The following BBX variants were observed in gnomAD, a reference collection of about 807,000 sequenced individuals.
The protein encoded by BBX is HMG box transcription factor BBX.
Under a neutral mutation model 100.2 loss-of-function variants are expected in BBX, and 30 were observed. The ratio of observed to expected loss-of-function variants is 0.30; its 90% CI spans 0.22 to 0.41. The LOEUF is 0.41. Ranked by LOEUF, BBX falls within the 10% of genes least tolerant of loss-of-function variation. BBX has a pLI of 1.00. For synonymous variants in BBX, 376 were observed against 388.1 expected, an observed-to-expected ratio of 0.97 and a Z score of 0.37; for missense variants, 1,023 against 1,129.8, an observed-to-expected ratio of 0.91 and a Z score of 1.35.
At position 107,806,329 on chromosome 3, in the gene BBX, T is replaced by C. The variant is rs1399825826; in HGVS notation, c.*872T>C. On this transcript the variant is annotated 3_prime_UTR_variant, in exon 18 of 18. Transcript: ENST00000325805. ...CATAGGGGTCTAAGTGACCAATGGATTGTTCATACAAACAAAAAAAAAGAC... is the reference window on the plus strand; with the variant it reads ...CATAGGGGTCTAAGTGACCAATGGACTGTTCATACAAACAAAAAAAAAGAC... 3 of 152,042 alleles carry C rather than the reference T, an allele frequency of 2.0e-5. No individual in the cohort carries two copies. The highest frequency in any genetic ancestry group is 4.4e-5 in the Non-Finnish European group (3 of 68,040). 9.4% of individuals were successfully genotyped at this position (152,042 alleles called of 1,614,324 possible).
chr3:107,592,629 T>C (rs16853678), intron 2 of BBX, among the ~76,000 whole-genome samples: 29,940 of 152,070 alleles, frequency 0.2, 3,192 homozygotes, highest in African/African-American at 0.28. Context: ...TGTTTACCAG[T>C]ATGTATGAGC....
chr3:107,794,852 C>A (rs2069438063), intron 15 of BBX, among the ~76,000 whole-genome samples: 1 of 152,098 alleles, frequency 6.6e-6, no homozygotes, highest in Non-Finnish European at 1.5e-5. Context: ...TGCTGCTTTC[C>A]CAAAAAACCT....
chr3:107,664,826 T>C (rs1235501928), intron 3 of BBX, among the ~76,000 whole-genome samples: 2 of 152,226 alleles, frequency 1.3e-5, no homozygotes, highest in African/African-American at 4.8e-5. Flanking sequence ...CACAGAGGAC[T>C]ATTTGCAAGC....
chr3:107,670,044 T>C (rs2058940756), intron 3 of BBX, among the ~76,000 whole-genome samples: 1 of 152,160 alleles, frequency 6.6e-6, no homozygotes, highest in South Asian at 2.1e-4. Flanking sequence ...TATTCTTTCA[T>C]GTATATTAGT....
chr3:107,540,818 C>T (rs572365360), intron 2 of BBX, among the ~76,000 whole-genome samples: 6 of 152,138 alleles, frequency 3.9e-5, no homozygotes, highest in African/African-American at 1.4e-4. Flanking sequence ...TATACTATTA[C>T]AATTAGTACT....
intron 3 of BBX, among the ~76,000 whole-genome samples, chr3:107,697,177 T>C (rs1007620204): frequency 3.5e-4 from 53 of 151,880 alleles, no homozygotes; most frequent in Non-Finnish European, 5.7e-4. Context: ...TTTGATCGTC[T>C]GAAGCCTTCT....
chr3:107,684,985 G>A (rs894192958), intron 3 of BBX, among the ~76,000 whole-genome samples: 5 of 152,172 alleles, frequency 3.3e-5, no homozygotes, highest in African/African-American at 1.2e-4. Flanking sequence ...TTAGAAAGTA[G>A]AGTTGGTTCT....
chr3:107,681,733 T>A (rs1339099828), intron 3 of BBX, among the ~76,000 whole-genome samples: 1 of 152,152 alleles, frequency 6.6e-6, no homozygotes, highest in African/African-American at 2.4e-5. Flanking sequence ...GAGAATAAAG[T>A]AGAATTTCCT....
intron 2 of BBX, among the ~76,000 whole-genome samples, chr3:107,631,949 A>G (rs1172593940): frequency 6.6e-6 from 1 of 152,218 alleles, no homozygotes; most frequent in Non-Finnish European, 1.5e-5. Context: ...TTTCAAAGTG[A>G]TTTGAAAATG....
At chr3:107,729,136 A>T (rs542391825) in intron 6 of BBX, among the ~76,000 whole-genome samples, 176 bp downstream of exon 6, 1 of 152,278 alleles carries the variant, frequency 6.6e-6, no homozygotes, top group Non-Finnish European at 1.5e-5. Context: ...CAGGTAATTT[A>T]AAAAAGGATA....
intron 2 of BBX, among the ~76,000 whole-genome samples, chr3:107,603,569 G>A (rs2054215478): frequency 6.6e-6 from 1 of 151,326 alleles, no homozygotes; most frequent in African/African-American, 2.4e-5. Context: ...AGTAGAGATG[G>A]GGGTTTCACC....
In BBX at chr3:107,751,362, A is replaced by G. The variant is rs551380975; in HGVS notation, c.825+3323A>G. Among the ~76,000 whole-genome samples, 99 of 152,340 alleles carry G rather than the reference A, an allele frequency of 6.5e-4. No individual in the cohort carries two copies. The South Asian group carries it at 9.1e-3, about 14-fold the overall frequency. On this transcript the variant is annotated intron_variant, in intron 9 of 17. Transcript: ENST00000325805. ...TTAAGATCAGGCGTGCAAAATTCTCAGAAACTATTTCCGTTCATTTTATTT... is the reference window on the plus strand; with the variant it reads ...TTAAGATCAGGCGTGCAAAATTCTCGGAAACTATTTCCGTTCATTTTATTT...
At chr3:107,774,970 G>T in intron 12 of BBX, 113 bp downstream of exon 12, 1 of 1,283,358 alleles carries the variant, frequency 7.8e-7, no homozygotes, top group Non-Finnish European at 1.0e-6. Context: ...TACTCGCTCA[G>T]GACTTCCTAC....
chr3:107,573,581 A>G (rs1036945312), intron 2 of BBX, among the ~76,000 whole-genome samples: 17 of 152,138 alleles, frequency 1.1e-4, no homozygotes, highest in Admixed American at 9.8e-4. Context: ...ACAAACAAAC[A>G]AACAGTGTTT....
At chr3:107,651,650 C>G (rs903985079) in intron 3 of BBX, among the ~76,000 whole-genome samples, 2 of 151,722 alleles carry the variant, frequency 1.3e-5, no homozygotes, top group African/African-American at 4.8e-5. Flanking sequence ...ATGGCATATA[C>G]TTAAGATTTT....
At chr3:107,795,121 C>G (rs1576849424) in intron 15 of BBX, among the ~76,000 whole-genome samples, 1 of 152,288 alleles carries the variant, frequency 6.6e-6, no homozygotes, top group Middle Eastern at 3.4e-3. Flanking sequence ...TCTTACATTT[C>G]CATTAGGTTG....
chr3:107,553,518 G>C (rs1436074978), intron 2 of BBX, among the ~76,000 whole-genome samples: 1 of 152,210 alleles, frequency 6.6e-6, no homozygotes, highest in Non-Finnish European at 1.5e-5. Flanking sequence ...GGACAGATTG[G>C]ATGTATGAGA....
intron 2 of BBX, among the ~76,000 whole-genome samples, chr3:107,544,992 G>T (rs540935054): frequency 6.6e-6 from 1 of 151,892 alleles, no homozygotes; most frequent in Non-Finnish European, 1.5e-5. Flanking sequence ...CTCGAGCCTG[G>T]GCAACAGAGC....
At chr3:107,645,987 G>A (rs1220628818) in intron 3 of BBX, 78 bp downstream of exon 3, 5 of 152,562 alleles carry the variant, frequency 3.3e-5, no homozygotes, top group Admixed American at 6.5e-5. Context: ...TGCTGTCAGA[G>A]CTGGTCTCAG....
Sources: allele counts gnomAD v4.1 joint callset (sites outside exome capture counted in the v4.1 genomes callset), GRCh38; gene constraint gnomAD v4.1.1; transcripts MANE v1.5; gene names NCBI Gene and HGNC (gene_info 2026-07-23, HGNC 2026-07-21).